Variants in GATA3 observed in about 807,000 individuals in gnomAD.
GATA3 encodes trans-acting T-cell-specific transcription factor GATA-3.
In GATA3, 6 loss-of-function variants were observed where a neutral mutation model predicts 36.0. The ratio of observed to expected loss-of-function variants is 0.17; its 90% CI spans 0.09 to 0.33. The LOEUF is 0.33. Ranked by LOEUF, GATA3 falls within the 10% of genes least tolerant of loss-of-function variation. GATA3 has a pLI of 1.00. For synonymous variants in GATA3, 326 were observed against 273.0 expected (o/e 1.19, Z -1.92); for missense variants, 514 against 610.1 (o/e 0.84, Z 1.66).
rs1346074695 is a variant in GATA3, at chr10:8,058,331, C to T, written c.268C>T (p.Leu90Phe). The T allele has an allele frequency of 6.2e-7, 1 of 1,613,548 alleles. No individual in the cohort carries two copies. The highest frequency in any genetic ancestry group is 1.7e-5 in the Admixed American group (1 of 60,030). ...GAGCCAGGTGTGCCGCCCGCCTCTGCTTCATGGATCCCTACCCTGGCTGGA... is the reference window on the plus strand; with the variant it reads ...GAGCCAGGTGTGCCGCCCGCCTCTGTTTCATGGATCCCTACCCTGGCTGGA... ...HGSQVCRPPL[L>F]HGSLPWLDGG... The change falls in exon 3 of 6, where the codon CTT (leucine) becomes TTT (phenylalanine). Residue 90 changes from leucine (L) to phenylalanine (F), a missense_variant. By Grantham distance (22) the Leu-to-Phe change is conservative. Around this residue, in one of 3 missense-constraint regions of GATA3, gnomAD observed 381 missense variants for 354.3 expected, o/e 1.08. Transcript: ENST00000379328.
rs138345596 is a variant in GATA3 at position 8,055,724 on chromosome 10, C to T, written c.69C>T (p.His23=). The T allele has an allele frequency of 8.5e-5, 133 of 1,570,376 alleles. No homozygotes were observed. In the African/African-American group the frequency reaches 1.6e-3, roughly 18 times the overall value. ...HHHPAVLNGQ[H]PDTHHPGLSH... ...ACCCCGCCGTGCTCAACGGGCAGCA[C>T]CCGGACACGCACCACCCGGGCCTCA... Residue 23 remains histidine (H), a synonymous_variant, in exon 2 of 6, where the codon CAC becomes CAT. Transcript: ENST00000379328. This position sits in a 1 kb window ranked among gnomAD's most constrained non-coding sequence, Gnocchi z 5.4.
At chr10:8,053,494 G>A (rs1025531652), upstream of GATA3, 1 of 152,228 alleles carries the variant, frequency 6.6e-6, no homozygotes, top group Non-Finnish European at 1.5e-5. The surrounding 1 kb of genome is among the most constrained non-coding windows in gnomAD (Gnocchi z 5.1). Context: ...AGGACCGAGC[G>A]GGCGGTGCAG....
chr10:8,070,678 A>G (rs1027192093), intron 5 of GATA3, among the ~76,000 whole-genome samples: 1 of 151,946 alleles, frequency 6.6e-6, no homozygotes, highest in Non-Finnish European at 1.5e-5. Context: ...TTCTGGTTGG[A>G]TTTTTTGAGT....
At chr10:8,048,575 G>T (rs1261999514) in intron 1 of GATA3, among the ~76,000 whole-genome samples, 1 of 152,174 alleles carries the variant, frequency 6.6e-6, no homozygotes, top group African/African-American at 2.4e-5. Context: ...CGGCTGGGCT[G>T]CCTCCACCCC....
chr10:8,052,642 C>T (rs1370567734), upstream of GATA3: 1 of 152,212 alleles, frequency 6.6e-6, no homozygotes, highest in African/African-American at 2.4e-5. Context: ...CAGCTTGTAT[C>T]CTTAAATCTT....
intron 3 of GATA3, 88 bp downstream of exon 3, chr10:8,058,929 G>GT: frequency 7.7e-7 from 1 of 1,294,710 alleles, no homozygotes; most frequent in Non-Finnish European, 1.1e-6. Context: ...ACCCCTCAGG[G>GT]GAGCCGGGGT....
At position 8,067,397 on chromosome 10, in the gene GATA3, A is replaced by T. The variant is rs534464973; in HGVS notation, c.925-2076A>T. ...TCCCACAGAAGCATATCTGTGAAAC[A>T]ATTTAGCAACTTTGAAAGAAAAAGG... On this transcript the variant is annotated intron_variant, in intron 4 of 5. Transcript: ENST00000379328. Among the ~76,000 whole-genome samples the T allele has an allele frequency of 7.9e-5, 12 of 152,348 alleles. No individual in the cohort carries two copies. In the South Asian group the frequency reaches 2.3e-3, roughly 29 times the overall value.
chr10:8,067,377 C>T (rs1025224314), intron 4 of GATA3, among the ~76,000 whole-genome samples: 1 of 152,158 alleles, frequency 6.6e-6, no homozygotes, highest in Non-Finnish European at 1.5e-5. Context: ...TTACATCCCA[C>T]AGAAGCATAT....
upstream of GATA3, chr10:8,053,093 G>A (rs1832542017): frequency 6.6e-6 from 1 of 152,188 alleles, no homozygotes; most frequent in Admixed American, 6.5e-5. The surrounding 1 kb of genome is among the most constrained non-coding windows in gnomAD (Gnocchi z 5.1). Flanking sequence ...TACAGGGATA[G>A]TGTTTTAAAA....
At chr10:8,071,709 G>T (rs145085757) in intron 5 of GATA3, among the ~76,000 whole-genome samples, 15 of 152,246 alleles carry the variant, frequency 9.9e-5, no homozygotes, top group African/African-American at 3.6e-4. Flanking sequence ...GATGTGTATT[G>T]AACAATAAGA....
In GATA3 at chr10:8,055,188, G is replaced by A; in HGVS notation, c.-369-99G>A. 4.2e-6 allele frequency: 1 copy of A among 239,534 alleles called. No individual in the cohort carries two copies. Among genetic ancestry groups the A allele is most frequent in the South Asian group, 1.1e-4 (1 of 8,896 alleles). 14.8% of individuals were successfully genotyped at this position (239,534 alleles called of 1,614,324 possible). ...CGGCCGTGTCCCCGCGCTCCCGTGCGGGTCTCGGGTGCGCTGGGCGGGCGG... is the reference window on the plus strand; with the variant it reads ...CGGCCGTGTCCCCGCGCTCCCGTGCAGGTCTCGGGTGCGCTGGGCGGGCGG... On this transcript the variant is annotated intron_variant, in intron 1 of 5. Coordinates refer to ENST00000379328, the MANE Select transcript of GATA3 (RefSeq NM_001002295.2). The surrounding 1 kb of genome is among the most constrained non-coding windows in gnomAD (Gnocchi z 5.4).
chr10:8,067,349 T>G (rs1473659720), intron 4 of GATA3, among the ~76,000 whole-genome samples: 1 of 152,158 alleles, frequency 6.6e-6, no homozygotes, highest in African/African-American at 2.4e-5. Flanking sequence ...TTTAAAAAGG[T>G]CATATATACT....
At position 8,074,140 on chromosome 10, in the gene GATA3, G is replaced by A; in HGVS notation, c.*117G>A. The A allele has an allele frequency of 3.3e-6, 4 of 1,216,250 alleles. No homozygotes were observed. Among genetic ancestry groups the A allele is most frequent in the South Asian group, 3.0e-5 (2 of 67,478 alleles). The allele number at this position is 1,216,250 out of a possible 1,614,324, so 75.3% of individuals were successfully genotyped here. ...ACGCGATGGATATATGTTTTTGAAGGCAGAAAGCAAAATTATGTTTGCCAC... is the reference window on the plus strand; with the variant it reads ...ACGCGATGGATATATGTTTTTGAAGACAGAAAGCAAAATTATGTTTGCCAC... On this transcript the variant is annotated 3_prime_UTR_variant, in exon 6 of 6. Coordinates refer to ENST00000379328, the MANE Select transcript of GATA3 (RefSeq NM_001002295.2).
rs1238949082 is a variant in GATA3 at position 8,069,556 on chromosome 10, C to A, written c.1008C>A (p.Asp336Glu). The A allele has an allele frequency of 1.9e-6, 3 of 1,613,980 alleles. No homozygotes were observed. Among genetic ancestry groups the A allele is most frequent in the African/African-American group, 2.7e-5 (2 of 74,900 alleles). ...TCTGGAGGAGGAATGCCAATGGGGA[C>A]CCTGTCTGCAATGCCTGTGGGCTCT... ...TTLWRRNANG[D>E]PVCNACGLYY... Residue 336 changes from aspartate to glutamate, a missense_variant, in exon 5 of 6, where the codon GAC (aspartate) becomes GAA (glutamate). This residue lies in a region of GATA3 where 44 missense variants were observed against 151.5 expected (regional missense o/e 0.29). Coordinates refer to ENST00000379328, the MANE Select transcript of GATA3 (RefSeq NM_001002295.2).
chr10:8,048,120 A>G (rs1314996683), intron 1 of GATA3, among the ~76,000 whole-genome samples: 2 of 152,128 alleles, frequency 1.3e-5, no homozygotes, highest in Non-Finnish European at 2.9e-5. Context: ...GTCAAAACAC[A>G]ATAGTCCCCA....
Position 8,074,127 on chromosome 10 carries a change from T to A in GATA3, c.*104T>A. ...TCATGAAGCCTAAACGCGATGGATA[T>A]ATGTTTTTGAAGGCAGAAAGCAAAA... On this transcript the variant is annotated 3_prime_UTR_variant, in exon 6 of 6. Transcript: ENST00000379328. 1 of 1,349,374 alleles carries A rather than the reference T, an allele frequency of 7.4e-7. No individual in the cohort carries two copies. The highest frequency in any genetic ancestry group is 1.0e-6 in the Non-Finnish European group (1 of 990,552). The allele number at this position is 1,349,374 out of a possible 1,614,324, so 83.6% of individuals were successfully genotyped here. A position where few individuals can be genotyped will look rare whatever the true frequency, so the allele number is the denominator to read the frequency against.
At chr10:8,048,491 A>G (rs941021398) in intron 1 of GATA3, among the ~76,000 whole-genome samples, 2 of 152,294 alleles carry the variant, frequency 1.3e-5, no homozygotes, top group Middle Eastern at 3.4e-3. Context: ...AGAAGTAGCA[A>G]GCCCCTGGCT....
At chr10:8,046,833 T>A (rs1832394792) in intron 1 of GATA3, among the ~76,000 whole-genome samples, 1 of 151,510 alleles carries the variant, frequency 6.6e-6, no homozygotes, top group Non-Finnish European at 1.5e-5. Flanking sequence ...GATTATGGAG[T>A]CTTTCGGTGG....
chr10:8,065,162 T>C (rs549211386), intron 4 of GATA3, among the ~76,000 whole-genome samples: 1 of 152,242 alleles, frequency 6.6e-6, no homozygotes, highest in South Asian at 2.1e-4. Context: ...AACACCTCTG[T>C]ATTCTTTTTA....
Sources: allele counts gnomAD v4.1 joint callset (sites outside exome capture counted in the v4.1 genomes callset), GRCh38; gene constraint gnomAD v4.1.1; regional missense constraint gnomAD v4.1.1; non-coding constraint Gnocchi (gnomAD v3.1); transcripts MANE v1.5; gene names NCBI Gene and HGNC (gene_info 2026-07-23, HGNC 2026-07-21).